The following DLG1 variants were observed in gnomAD, a reference collection of about 807,000 sequenced individuals.
The protein encoded by DLG1 is discs large MAGUK scaffold protein 1, also known as disks large homolog 1.
DLG1 carries 42 observed loss-of-function variants against 123.4 expected under a neutral mutation model. The observed-to-expected ratio is 0.34, with a 90% CI of 0.27 to 0.44. The LOEUF is 0.44. DLG1 is among the 20% of genes least tolerant of loss of function. DLG1 has a pLI of 1.00. For missense variants in DLG1, 942 were observed against 1,082.6 expected (o/e 0.87, Z 1.82); for synonymous variants, 317 against 356.2 (o/e 0.89, Z 1.24).
chr3:197,253,487 G>C (rs1755411240), intron 4 of DLG1, among the ~76,000 whole-genome samples: 1 of 152,154 alleles, frequency 6.6e-6, no homozygotes, highest in African/African-American at 2.4e-5. Flanking sequence ...AAGCGGTTTA[G>C]CAGTTTCTTT....
chr3:197,141,091 G>A (rs1412232076), intron 7 of DLG1, among the ~76,000 whole-genome samples: 1 of 152,132 alleles, frequency 6.6e-6, no homozygotes, highest in East Asian at 1.9e-4. Context: ...TGAATTTCAG[G>A]CAACTCAAGT....
chr3:197,126,711 T>C (rs1197240082), intron 11 of DLG1, among the ~76,000 whole-genome samples: 2 of 152,192 alleles, frequency 1.3e-5, no homozygotes, highest in Admixed American at 1.3e-4. Flanking sequence ...AAAAGAAGTA[T>C]AAGACACCAT....
At chr3:197,076,532 C>CAGTA in intron 18 of DLG1, 54 bp downstream of exon 18, 1 of 1,393,114 alleles carries the variant, frequency 7.2e-7, no homozygotes, top group Non-Finnish European at 1.0e-6. Context: ...AACTGCAGGG[C>CAGTA]AGTAGGTCCC....
In DLG1 at chr3:197,178,849, GT is replaced by G. The variant is rs950983972; in HGVS notation, c.483+15575del. ...GATAATCTACACTCACACAACGAGGGTTTTTTGGATGGTTGTTTTAATGAAA... is the reference window on the plus strand; with the variant it reads ...GATAATCTACACTCACACAACGAGGGTTTTTGGATGGTTGTTTTAATGAAA... On this transcript the variant is annotated intron_variant, in intron 5 of 24. Coordinates refer to ENST00000667157, the MANE Select transcript of DLG1 (RefSeq NM_001366207.1). 5.8e-4 allele frequency among the ~76,000 whole-genome samples: 88 copies of G among 152,142 alleles called. 1 individual carries two copies. The highest frequency in any genetic ancestry group is 1.3e-4 in the Non-Finnish European group (9 of 68,020).
At chr3:197,111,420 CAA>C (rs1769942800) in intron 13 of DLG1, among the ~76,000 whole-genome samples, 2 of 152,174 alleles carry the variant, frequency 1.3e-5, no homozygotes, top group Admixed American at 1.3e-4. Flanking sequence ...TATTTGGACA[CAA>C]AGTGTGAAGT....
At chr3:197,193,000 A>T (rs1361641498) in intron 5 of DLG1, among the ~76,000 whole-genome samples, 1 of 152,170 alleles carries the variant, frequency 6.6e-6, no homozygotes, top group Non-Finnish European at 1.5e-5. Context: ...AGAAAAAAAT[A>T]GCCTAGCAAA....
At chr3:197,192,509 T>C (rs1321155970) in intron 5 of DLG1, among the ~76,000 whole-genome samples, 2 of 151,758 alleles carry the variant, frequency 1.3e-5, no homozygotes, top group African/African-American at 4.8e-5. Flanking sequence ...GAAGAAAAGA[T>C]AGAAGAACTG....
chr3:197,256,680 TAGAAA>T lies in DLG1; in HGVS notation c.318+25994_318+25998del, dbSNP rs1757017849. On this transcript the variant is annotated intron_variant, in intron 4 of 24. Transcript: ENST00000667157. ...TAGCATAAACTAAAAATAATTAGTT[TAGAAA>T]AATGTATCTTTACCTATAGTTTGGT... is the stretch of plus-strand genomic sequence containing the variant. Among the ~76,000 whole-genome samples the T allele has an allele frequency of 2.6e-5, 4 of 152,350 alleles. No homozygotes were observed. In the South Asian group the frequency reaches 8.3e-4, roughly 32 times the overall value.
chr3:197,142,756 C>T lies in DLG1; in HGVS notation c.550G>A (p.Asp184Asn). Reference protein sequence around the residue: ...LETPTYVNGTDADYEYEEITL... With the variant: ...LETPTYVNGTNADYEYEEITL... ...ATTTCTTCATATTCATAATCTGCAT[C>T]TGTGCCATTAACCTACAGGGGAAAA... The change falls in exon 7 of 25, where the codon GAT becomes AAT. Residue 184 changes from aspartate (D) to asparagine (N), a missense_variant. Asp to Asn is a conservative substitution (Grantham distance 23). Transcript: ENST00000667157. 1 of 1,608,866 alleles carries T rather than the reference C, an allele frequency of 6.2e-7. No homozygotes were observed. Among genetic ancestry groups the T allele is most frequent in the Non-Finnish European group, 8.5e-7 (1 of 1,178,348 alleles).
At chr3:197,264,664 C>A (rs533945649) in intron 4 of DLG1, among the ~76,000 whole-genome samples, 1 of 152,162 alleles carries the variant, frequency 6.6e-6, no homozygotes, top group Non-Finnish European at 1.5e-5. Context: ...TGACCTCAGG[C>A]GATCCACCTG....
At chr3:197,194,311 G>C (rs1485551461) in intron 5 of DLG1, 114 bp downstream of exon 5, 1 of 542,798 alleles carries the variant, frequency 1.8e-6, no homozygotes, top group East Asian at 3.5e-5. Context: ...AACTAAAATG[G>C]GGGGGTGGGG....
intron 5 of DLG1, among the ~76,000 whole-genome samples, chr3:197,166,698 T>G (rs1801610696): frequency 6.6e-6 from 1 of 152,148 alleles, no homozygotes; most frequent in South Asian, 2.1e-4. Flanking sequence ...GAGACCAGCC[T>G]GGCCAACATG....
At chr3:197,234,830 G>A (rs766211056) in intron 4 of DLG1, among the ~76,000 whole-genome samples, 4 of 152,038 alleles carry the variant, frequency 2.6e-5, no homozygotes, top group Non-Finnish European at 5.9e-5. Flanking sequence ...ACTCTACAAT[G>A]AACATACATT....
intron 4 of DLG1, among the ~76,000 whole-genome samples, chr3:197,231,323 CAATAA>C (rs1742888309): frequency 6.6e-6 from 1 of 152,202 alleles, no homozygotes; most frequent in Non-Finnish European, 1.5e-5. Context: ...GAATAGCCCA[CAATAA>C]TGTGGACATT....
At chr3:197,269,701 C>T (rs1011569808) in intron 4 of DLG1, among the ~76,000 whole-genome samples, 8 of 152,126 alleles carry the variant, frequency 5.3e-5, no homozygotes, top group Non-Finnish European at 1.0e-4. Context: ...GTATTAAGAA[C>T]CAAAATCTGG....
chr3:197,135,626 TG>T (rs1192687320), intron 10 of DLG1, among the ~76,000 whole-genome samples: 1 of 151,818 alleles, frequency 6.6e-6, no homozygotes, highest in Non-Finnish European at 1.5e-5. Context: ...AGACATACAG[TG>T]GAATAGTATG....
chr3:197,181,117 T>C (rs1711525769), intron 5 of DLG1, among the ~76,000 whole-genome samples: 1 of 152,148 alleles, frequency 6.6e-6, no homozygotes, highest in Non-Finnish European at 1.5e-5. Flanking sequence ...TTTAAATGAA[T>C]CTGTAAAATA....
chr3:197,259,438 A>G lies in DLG1; in HGVS notation c.318+23241T>C, dbSNP rs1259802319. 8.5e-5 allele frequency among the ~76,000 whole-genome samples: 13 copies of G among 152,348 alleles called. No homozygotes were observed. In the East Asian group the frequency reaches 2.1e-3, roughly 25 times the overall value. The stretch of plus-strand genomic sequence containing the variant: ...AATAATTCATTATACAGAAAGAGTA[A>G]TAGCCTCTACTTTCAGAATTTACAA... On this transcript the variant is annotated intron_variant, in intron 4 of 24. Coordinates refer to ENST00000667157, the MANE Select transcript of DLG1 (RefSeq NM_001366207.1).
At chr3:197,201,346 T>C (rs1487917338) in intron 4 of DLG1, among the ~76,000 whole-genome samples, 1 of 152,226 alleles carries the variant, frequency 6.6e-6, no homozygotes, top group Non-Finnish European at 1.5e-5. Flanking sequence ...ATCGCGCCAC[T>C]GCGCTCCAGC....
Sources: allele counts gnomAD v4.1 joint callset (sites outside exome capture counted in the v4.1 genomes callset), GRCh38; gene constraint gnomAD v4.1.1; transcripts MANE v1.5; gene names NCBI Gene and HGNC (gene_info 2026-07-23, HGNC 2026-07-21).